Variants in TP73 observed in about 807,000 individuals in gnomAD.
The protein encoded by TP73 is p53-like transcription factor.
In TP73, 25 loss-of-function variants were observed where a neutral mutation model predicts 62.5. The ratio of observed to expected loss-of-function variants is 0.40; its 90% CI spans 0.29 to 0.56. The LOEUF (loss-of-function observed/expected upper bound fraction) is 0.56. Ranked by LOEUF, TP73 falls within the 20% of genes least tolerant of loss-of-function variation. The pLI, the probability that TP73 is intolerant of heterozygous loss-of-function variation, is 0.46. For synonymous variants in TP73, 423 were observed against 377.5 expected (o/e 1.12, Z -1.40); for missense variants, 754 against 913.3 (o/e 0.83, Z 2.25).
intron 1 of TP73, among the ~76,000 whole-genome samples, chr1:3,664,281 C>T (rs900516131): frequency 2.0e-5 from 3 of 152,238 alleles, no homozygotes; most frequent in African/African-American, 7.2e-5. Flanking sequence ...AAGGACCCAC[C>T]TGTTTCCCTG....
chr1:3,679,084 C>A (rs1356365507), intron 1 of TP73, among the ~76,000 whole-genome samples: 1 of 152,186 alleles, frequency 6.6e-6, no homozygotes, highest in African/African-American at 2.4e-5. Context: ...AAGCTGGTGT[C>A]CTGCAGTGCA....
intron 10 of TP73, 100 bp from the exon 11 acceptor site, chr1:3,729,900 G>A (rs1428904231): frequency 6.9e-7 from 1 of 1,439,894 alleles, no homozygotes; most frequent in African/African-American, 1.4e-5. Flanking sequence ...GACATCAGAG[G>A]CTCCACCCAT....
chr1:3,695,607 G>C (rs971512620), intron 3 of TP73, among the ~76,000 whole-genome samples: 33 of 152,374 alleles, frequency 2.2e-4, no homozygotes, highest in Admixed American at 1.6e-3. Context: ...TGTCCACTCT[G>C]TTCCTGCAGA....
chr1:3,703,315 C>T (rs1001182351), intron 3 of TP73, among the ~76,000 whole-genome samples: 2 of 152,136 alleles, frequency 1.3e-5, no homozygotes, highest in African/African-American at 2.4e-5. Context: ...TCAGAGGCCC[C>T]CACCCCGTGT....
intron 3 of TP73, among the ~76,000 whole-genome samples, chr1:3,687,131 A>T (rs3765718): frequency 0.12 from 18,481 of 151,936 alleles, 2,349 homozygotes; most frequent in African/African-American, 0.32. Flanking sequence ...GTCCCTGAAG[A>T]CCCTACATGG....
chr1:3,724,685 A>G (rs554104532), intron 6 of TP73, among the ~76,000 whole-genome samples: 9 of 152,314 alleles, frequency 5.9e-5, no homozygotes, highest in African/African-American at 1.9e-4. Context: ...TGACATGAAA[A>G]CTGCCCACAT....
At chr1:3,700,846 CTT>C (rs1284978425) in intron 3 of TP73, among the ~76,000 whole-genome samples, 3 of 152,138 alleles carry the variant, frequency 2.0e-5, no homozygotes, top group South Asian at 4.1e-4. Context: ...CAATGGGAAT[CTT>C]TTAACAAAAC....
intron 4 of TP73, among the ~76,000 whole-genome samples, chr1:3,710,289 G>A (rs972606075): frequency 6.6e-6 from 1 of 152,130 alleles, no homozygotes; most frequent in Non-Finnish European, 1.5e-5. Context: ...GATCCAGGGG[G>A]TGGGACAAAC....
In TP73 at chr1:3,729,448, C is replaced by T. The variant is rs752956868; in HGVS notation, c.1196C>T (p.Pro399Leu). The stretch of plus-strand genomic sequence containing the variant: ...CAGCAGCAGCAGCTCCTACAGAGGC[C>T]GTGAGTCAGCCCTAGCCCACCATCA... ...YRQQQQLLQR[P>L]SHLQPPSYGP... is the part of the protein sequence containing the mutation. Residue 399 changes from proline (P) to leucine (L), a missense_variant and splice_region_variant, in exon 10 of 14, where the codon CCG (proline) becomes CTG (leucine). This residue lies in a region of TP73 where 458 missense variants were observed against 528.7 expected (regional missense o/e 0.87). Transcript: ENST00000378295. The T allele has an allele frequency of 1.2e-6, 2 of 1,612,642 alleles. No homozygotes were observed. Among genetic ancestry groups the T allele is most frequent in the Non-Finnish European group, 1.7e-6 (2 of 1,179,958 alleles).
Position 3,707,601 on chromosome 1 carries a change from C to T in TP73, c.239C>T (p.Ala80Val), listed in dbSNP as rs1294377607. 2 of 1,612,506 alleles carry T rather than the reference C, an allele frequency of 1.2e-6. No homozygotes were observed. Among genetic ancestry groups the T allele is most frequent in the East Asian group, 2.2e-5 (1 of 44,856 alleles). Residue 80 changes from alanine to valine, a missense_variant, in exon 4 of 14, where the codon GCC becomes GTC. Ala to Val is a moderately conservative substitution (Grantham distance 64). Coordinates refer to ENST00000378295, the MANE Select transcript of TP73 (RefSeq NM_005427.4). ...ATGGACCAGATGAGCAGCCGCGCGG[C>T]CTCGGCCAGCCCCTACACCCCAGAG... ...STMDQMSSRA[A>V]SASPYTPEHA...
rs142564186 is a variant in TP73, at chr1:3,696,581, C to A, written c.187-10968C>A. Among the ~76,000 whole-genome samples the A allele has an allele frequency of 5.4e-4, 82 of 151,422 alleles. No individual in the cohort carries two copies. The highest frequency in any genetic ancestry group is 9.7e-4 in the Non-Finnish European group (66 of 67,870). ...AGATGCAGAGGGGCAGCCTGGGAGGCCAGGAGGCACGAGAGGCTGGCTGGG... is the reference window on the plus strand; with the variant it reads ...AGATGCAGAGGGGCAGCCTGGGAGGACAGGAGGCACGAGAGGCTGGCTGGG... On this transcript the variant is annotated intron_variant, in intron 3 of 13. Coordinates refer to ENST00000378295, the MANE Select transcript of TP73 (RefSeq NM_005427.4). The surrounding 1 kb of genome is among the most constrained non-coding windows in gnomAD (Gnocchi z 4.1).
chr1:3,667,343 G>C (rs961523790), intron 1 of TP73, among the ~76,000 whole-genome samples: 1 of 152,238 alleles, frequency 6.6e-6, no homozygotes, highest in Non-Finnish European at 1.5e-5. Flanking sequence ...CTGTAAGAGA[G>C]TAAATTTATC....
chr1:3,694,935 G>T (rs1425646054), intron 3 of TP73, among the ~76,000 whole-genome samples: 16 of 147,798 alleles, frequency 1.1e-4, no homozygotes, highest in East Asian at 4.1e-4. Context: ...CAGCCCTGCA[G>T]CCTCAGCCCC....
chr1:3,723,423 C>A lies in TP73; in HGVS notation c.686C>A (p.Pro229His). The A allele has an allele frequency of 6.2e-7, 1 of 1,612,574 alleles. No individual in the cohort carries two copies. Among genetic ancestry groups the A allele is most frequent in the Non-Finnish European group, 8.5e-7 (1 of 1,179,846 alleles). Residue 229 changes from proline (P) to histidine (H), a missense_variant, in exon 6 of 14, where the codon CCT (proline) becomes CAT (histidine). Coordinates refer to ENST00000378295, the MANE Select transcript of TP73 (RefSeq NM_005427.4). ...GNNLSQYVDDPVTGRQSVVVP... is the reference protein window; with the variant it reads ...GNNLSQYVDDHVTGRQSVVVP... ...AATCTCTCGCAGTATGTGGATGACC[C>A]TGTCACCGGCAGGCAGAGCGTCGTG...
intron 3 of TP73, among the ~76,000 whole-genome samples, chr1:3,700,734 T>A (rs1313752654): frequency 6.7e-6 from 1 of 149,190 alleles, no homozygotes; most frequent in Non-Finnish European, 1.5e-5. Flanking sequence ...TGAGCCGAGA[T>A]CCCACCACTG....
In TP73 at chr1:3,732,905, C is replaced by G. The variant is rs989676082; in HGVS notation, c.1737C>G (p.Arg579=). Residue 579 remains arginine (R), a synonymous_variant, in exon 14 of 14, where the codon CGC becomes CGG. Transcript: ENST00000378295. The part of the protein sequence containing the change: ...ISIGGSGELQ[R]QRVMEAVHFR... The stretch of plus-strand genomic sequence containing the variant: ...TCGGCGGCTCAGGGGAACTGCAGCG[C>G]CAGCGGGTCATGGAGGCCGTGCACT... The G allele has an allele frequency of 6.2e-7, 1 of 1,611,158 alleles. No homozygotes were observed. Among genetic ancestry groups the G allele is most frequent in the African/African-American group, 1.3e-5 (1 of 74,910 alleles).
chr1:3,675,592 G>T (rs892476978), intron 1 of TP73, among the ~76,000 whole-genome samples: 3 of 152,086 alleles, frequency 2.0e-5, no homozygotes, highest in African/African-American at 7.2e-5. Flanking sequence ...GGGCAGAGGG[G>T]CCTGTGTCTC....
chr1:3,672,168 G>A lies in TP73; in HGVS notation c.-33-10165G>A, dbSNP rs982771276. ...CAGGGGTGAGGGGTATGTGTAGGGTGGGGACATCTCAGAGTGGAGCATCCC... is the reference window on the plus strand; with the variant it reads ...CAGGGGTGAGGGGTATGTGTAGGGTAGGGACATCTCAGAGTGGAGCATCCC... On this transcript the variant is annotated intron_variant, in intron 1 of 13. Transcript: ENST00000378295. This position sits in a 1 kb window ranked among gnomAD's most constrained non-coding sequence, Gnocchi z 5.3. Among the ~76,000 whole-genome samples, 1 of 152,120 alleles carries A rather than the reference G, an allele frequency of 6.6e-6. No individual in the cohort carries two copies. The highest frequency in any genetic ancestry group is 1.9e-4 in the East Asian group (1 of 5,186).
rs201428127 is a variant in TP73, at chr1:3,682,380, C to G, written c.15C>G (p.Thr5=). MAQS[T]ATSPDGGTTF... is the part of the protein sequence containing the mutation. ...GCGTGGGGAAGATGGCCCAGTCCACCGCCACCTCCCCTGATGGGGGCACCA... is the reference window on the plus strand; with the variant it reads ...GCGTGGGGAAGATGGCCCAGTCCACGGCCACCTCCCCTGATGGGGGCACCA... The change falls in exon 2 of 14, where the codon ACC becomes ACG. Residue 5 remains threonine, a synonymous_variant. Coordinates refer to ENST00000378295, the MANE Select transcript of TP73 (RefSeq NM_005427.4). 8 of 1,558,224 alleles carry G rather than the reference C, an allele frequency of 5.1e-6. No individual in the cohort carries two copies. The highest frequency in any genetic ancestry group is 7.0e-6 in the Non-Finnish European group (8 of 1,148,338).
Sources: allele counts gnomAD v4.1 joint callset (sites outside exome capture counted in the v4.1 genomes callset), GRCh38; gene constraint gnomAD v4.1.1; regional missense constraint gnomAD v4.1.1; non-coding constraint Gnocchi (gnomAD v3.1); transcripts MANE v1.5; gene names NCBI Gene and HGNC (gene_info 2026-07-23, HGNC 2026-07-21).